NDUFA12: variants seen among roughly 807,000 people sequenced by gnomAD.
NDUFA12 encodes the protein NADH:ubiquinone oxidoreductase subunit A12, also known as NADH dehydrogenase [ubiquinone] 1 alpha subcomplex subunit 12.
Under a neutral mutation model 20.3 loss-of-function variants are expected in NDUFA12, and 17 were observed. The observed-to-expected ratio is 0.84, with a 90% CI of 0.57 to 1.26. The LOEUF is 1.26. Among genes scored for constraint, NDUFA12 ranks in the 50% most tolerant of loss-of-function variants. The pLI is 0.00. For missense variants in NDUFA12, 191 were observed against 183.7 expected (o/e 1.04, Z -0.23); for synonymous variants, 72 against 63.6 (o/e 1.13, Z -0.63).
intron 3 of NDUFA12, among the ~76,000 whole-genome samples, chr12:94,976,605 T>C (rs985643736): frequency 1.3e-5 from 2 of 152,218 alleles, no homozygotes; most frequent in African/African-American, 4.8e-5. Context: ...CAAGTTTTGC[T>C]TTTTGGAACT....
At chr12:94,975,146 C>G (rs1403735345) in intron 3 of NDUFA12, among the ~76,000 whole-genome samples, 7 of 152,056 alleles carry the variant, frequency 4.6e-5, no homozygotes, top group Non-Finnish European at 1.0e-4. Flanking sequence ...CTACTATGTA[C>G]CCAAAAAATT....
chr12:94,980,682 T>C (rs930184908), intron 3 of NDUFA12, among the ~76,000 whole-genome samples: 4 of 152,148 alleles, frequency 2.6e-5, no homozygotes, highest in African/African-American at 9.7e-5. Flanking sequence ...GAAAAATCAA[T>C]GTACGAGGAG....
intron 2 of NDUFA12, among the ~76,000 whole-genome samples, chr12:95,001,169 G>A (rs1229004123): frequency 3.9e-5 from 6 of 151,996 alleles, no homozygotes; most frequent in Non-Finnish European, 7.4e-5. Flanking sequence ...AACCAGGTGT[G>A]GTGGTGCATG....
At chr12:94,987,101 C>A (rs1157264148) in intron 3 of NDUFA12, among the ~76,000 whole-genome samples, 1 of 152,076 alleles carries the variant, frequency 6.6e-6, no homozygotes, top group Non-Finnish European at 1.5e-5. Context: ...CCCTTAATCA[C>A]GTGATAGAGG....
chr12:94,975,947 G>A (rs11107832), intron 3 of NDUFA12, among the ~76,000 whole-genome samples: 11,842 of 152,070 alleles, frequency 0.078, 539 homozygotes, highest in East Asian at 0.15. Flanking sequence ...TTGGGAGGCT[G>A]AGGCAGGGAT....
intron 2 of NDUFA12, among the ~76,000 whole-genome samples, chr12:94,996,392 T>A (rs369699901): frequency 6.6e-6 from 1 of 150,454 alleles, no homozygotes; most frequent in African/African-American, 2.4e-5. Flanking sequence ...CAGGCTGGTC[T>A]TGAACTGCTG....
Position 95,003,577 on chromosome 12 carries a change from A to G in NDUFA12, c.86+18T>C, listed in dbSNP as rs1319492791. The G allele has an allele frequency of 6.2e-7, 1 of 1,613,688 alleles. No individual in the cohort carries two copies. Among genetic ancestry groups the G allele is most frequent in the African/African-American group, 1.3e-5 (1 of 74,912 alleles). ...AAGTCCAGCCCCAGAGGCCAAGAGCATGGCTCTGGCCGCCTACCTGAAAAA... is the reference window on the plus strand; with the variant it reads ...AAGTCCAGCCCCAGAGGCCAAGAGCGTGGCTCTGGCCGCCTACCTGAAAAA... On this transcript the variant is annotated intron_variant, in intron 1 of 3. Coordinates refer to ENST00000327772, the MANE Select transcript of NDUFA12 (RefSeq NM_018838.5).
At chr12:94,977,999 G>T (rs1412403000) in intron 3 of NDUFA12, among the ~76,000 whole-genome samples, 1 of 151,876 alleles carries the variant, frequency 6.6e-6, no homozygotes, top group Non-Finnish European at 1.5e-5. Flanking sequence ...AACAGCTAGT[G>T]CAGAGACTGA....
chr12:94,986,098 T>TAAATAAAC (rs1211988690), intron 3 of NDUFA12, among the ~76,000 whole-genome samples: 1 of 149,988 alleles, frequency 6.7e-6, no homozygotes, highest in African/African-American at 2.5e-5. Context: ...AATAAATAAA[T>TAAATAAAC]AAATAAATAA....
chr12:94,991,378 T>C (rs1002295894), intron 3 of NDUFA12, among the ~76,000 whole-genome samples: 5 of 152,188 alleles, frequency 3.3e-5, no homozygotes, highest in East Asian at 3.9e-4. Flanking sequence ...TTGTGAAAAG[T>C]TCTGCTAGAT....
At position 94,986,831 on chromosome 12, in the gene NDUFA12, A is replaced by T. The variant is rs551270520; in HGVS notation, c.257+7339T>A. On this transcript the variant is annotated intron_variant, in intron 3 of 3. Coordinates refer to ENST00000327772, the MANE Select transcript of NDUFA12 (RefSeq NM_018838.5). ...AAAAACTGAGAACCCCTCCCCTCTAAAAACCTCCAAAGAACTCCAAATGCA... is the reference window on the plus strand; with the variant it reads ...AAAAACTGAGAACCCCTCCCCTCTATAAACCTCCAAAGAACTCCAAATGCA... 3.3e-5 allele frequency among the ~76,000 whole-genome samples: 5 copies of T among 152,114 alleles called. No homozygotes were observed. In the South Asian group the frequency reaches 1.0e-3, roughly 32 times the overall value.
chr12:94,984,241 C>T (rs1325403357), intron 3 of NDUFA12, among the ~76,000 whole-genome samples: 1 of 152,128 alleles, frequency 6.6e-6, no homozygotes, highest in Non-Finnish European at 1.5e-5. Flanking sequence ...AGCTTGTCCA[C>T]TGAGAAGGCC....
intron 3 of NDUFA12, among the ~76,000 whole-genome samples, chr12:94,973,918 T>C (rs1873973976): frequency 1.3e-5 from 2 of 151,704 alleles, no homozygotes; most frequent in African/African-American, 4.8e-5. Context: ...AAATCATATC[T>C]TTCAGATTGC....
chr12:94,981,435 G>A (rs921667505), intron 3 of NDUFA12, among the ~76,000 whole-genome samples: 3 of 152,148 alleles, frequency 2.0e-5, no homozygotes, highest in East Asian at 1.9e-4. Flanking sequence ...GTGATAGAGC[G>A]AGACACTGCC....
chr12:94,975,324 A>C (rs1235000008), intron 3 of NDUFA12, among the ~76,000 whole-genome samples: 1 of 152,220 alleles, frequency 6.6e-6, no homozygotes, highest in Non-Finnish European at 1.5e-5. Context: ...AAAAACATCA[A>C]GAGATGTCAA....
At chr12:94,990,434 T>C (rs1874600858) in intron 3 of NDUFA12, among the ~76,000 whole-genome samples, 3 of 152,102 alleles carry the variant, frequency 2.0e-5, no homozygotes, top group Admixed American at 6.6e-5. Context: ...AGAGCTTTTT[T>C]TATTCAGAGA....
At chr12:94,983,501 G>C (rs1341074890) in intron 3 of NDUFA12, among the ~76,000 whole-genome samples, 1 of 152,194 alleles carries the variant, frequency 6.6e-6, no homozygotes, top group African/African-American at 2.4e-5. Context: ...ACATGAGTAA[G>C]TGTGGCAGTG....
At chr12:94,985,428 T>A (rs1450761532) in intron 3 of NDUFA12, among the ~76,000 whole-genome samples, 2 of 150,706 alleles carry the variant, frequency 1.3e-5, no homozygotes, top group African/African-American at 4.9e-5. Flanking sequence ...ATCAACACAA[T>A]CCTGGCTAAC....
At chr12:94,979,862 C>T (rs1256436153) in intron 3 of NDUFA12, among the ~76,000 whole-genome samples, 1 of 151,172 alleles carries the variant, frequency 6.6e-6, no homozygotes, top group Non-Finnish European at 1.5e-5. Context: ...ATTAATGGAA[C>T]TATGTCCAAT....
Sources: gnomAD v4.1 joint callset for allele counts (sites outside exome capture counted in the v4.1 genomes callset) on GRCh38, gnomAD v4.1.1 for gene constraint, MANE v1.5 for transcripts, NCBI Gene and HGNC (gene_info 2026-07-23, HGNC 2026-07-21) for gene names.